CNTNAP2: variants seen among roughly 807,000 people sequenced by gnomAD.
CNTNAP2 encodes contactin associated protein 2.
Under a neutral mutation model 155.2 loss-of-function variants are expected in CNTNAP2, and 98 were observed. That is an observed-to-expected ratio of 0.63 (90% CI 0.54 to 0.75). The LOEUF (loss-of-function observed/expected upper bound fraction) is 0.75, where lower values mean the gene tolerates loss of function less well. Ranked by LOEUF, CNTNAP2 falls within the 30% of genes least tolerant of loss-of-function variation. The pLI is 0.00. For synonymous variants in CNTNAP2, 651 were observed against 631.2 expected, an observed-to-expected ratio of 1.03 and a Z score of -0.47; for missense variants, 1,727 against 1,688.1, an observed-to-expected ratio of 1.02 and a Z score of -0.40.
chr7:147,490,315 T>C (rs1798584014), intron 11 of CNTNAP2, among the ~76,000 whole-genome samples: 1 of 152,196 alleles, frequency 6.6e-6, no homozygotes, highest in South Asian at 2.1e-4. Context: ...AGTAAAATTT[T>C]TTCTAGCCAA....
intron 15 of CNTNAP2, among the ~76,000 whole-genome samples, chr7:148,114,582 G>A (rs941196649): frequency 2.6e-5 from 4 of 152,070 alleles, no homozygotes; most frequent in Non-Finnish European, 4.4e-5. Context: ...GAAAAGGCAC[G>A]CATATAATCT....
chr7:146,715,698 G>T (rs1801174996), intron 1 of CNTNAP2, among the ~76,000 whole-genome samples: 1 of 152,082 alleles, frequency 6.6e-6, no homozygotes, highest in South Asian at 2.1e-4. Context: ...CTACAGTTTT[G>T]TCAAAAAGAG....
chr7:147,780,542 G>C (rs1198583016), intron 13 of CNTNAP2, among the ~76,000 whole-genome samples: 1 of 152,088 alleles, frequency 6.6e-6, no homozygotes, highest in Non-Finnish European at 1.5e-5. Context: ...GTCCTTAAGA[G>C]TAATTGCTGG....
chr7:147,783,356 A>T (rs1330076615), intron 13 of CNTNAP2, among the ~76,000 whole-genome samples: 3 of 152,112 alleles, frequency 2.0e-5, no homozygotes, highest in Admixed American at 6.5e-5. Flanking sequence ...TAAGTTTTCC[A>T]TTTAAGAATA....
chr7:147,556,115 C>T (rs1799946973), intron 11 of CNTNAP2, among the ~76,000 whole-genome samples: 1 of 152,134 alleles, frequency 6.6e-6, no homozygotes. Context: ...TCGTATTCTA[C>T]TGGTAGACAT....
chr7:147,699,304 C>T (rs1796203935), intron 13 of CNTNAP2, among the ~76,000 whole-genome samples: 1 of 150,694 alleles, frequency 6.6e-6, no homozygotes, highest in Admixed American at 6.6e-5. Flanking sequence ...TTTGCAGGGA[C>T]ATGGATGAAG....
chr7:146,787,761 G>A (rs890666090), intron 2 of CNTNAP2, among the ~76,000 whole-genome samples: 7 of 152,142 alleles, frequency 4.6e-5, no homozygotes, highest in African/African-American at 1.2e-4. Flanking sequence ...ACAGAGAGCC[G>A]ATTGGTCCGT....
intron 3 of CNTNAP2, among the ~76,000 whole-genome samples, chr7:146,868,059 A>G (rs528735714): frequency 1.1e-4 from 17 of 152,044 alleles, no homozygotes; most frequent in Middle Eastern, 3.4e-3. Context: ...CTTTTCTTGC[A>G]ATTGCTTTTA....
rs543206400 is a variant in CNTNAP2, at chr7:146,369,576, G to A, written c.97+252603G>A. 5.3e-5 allele frequency among the ~76,000 whole-genome samples: 8 copies of A among 152,126 alleles called. No individual in the cohort carries two copies. In the East Asian group the frequency reaches 1.5e-3, roughly 29 times the overall value. ...GTTATATAAAATGTATAACAGAAAG[G>A]ACTTTTGATTTCTATCCATCTGAAT... On this transcript the variant is annotated intron_variant, in intron 1 of 23. Transcript: ENST00000361727.
intron 9 of CNTNAP2, among the ~76,000 whole-genome samples, chr7:147,362,041 G>C (rs887760424): frequency 2.0e-5 from 3 of 152,142 alleles, no homozygotes; most frequent in Admixed American, 2.0e-4. Context: ...CCTCACCTGT[G>C]GCCCTTCCAA....
At chr7:147,624,594 A>G (rs1389038209) in intron 12 of CNTNAP2, among the ~76,000 whole-genome samples, 2 of 152,210 alleles carry the variant, frequency 1.3e-5, no homozygotes, top group Non-Finnish European at 1.5e-5. Context: ...CTTATATCCA[A>G]AAGACAGGCA....
intron 13 of CNTNAP2, among the ~76,000 whole-genome samples, chr7:147,789,155 C>T (rs1357349117): frequency 6.6e-6 from 1 of 152,040 alleles, no homozygotes; most frequent in Admixed American, 6.5e-5. Context: ...GATCTGCCCG[C>T]CTCGGCCTCC....
chr7:148,177,423 A>G (rs949724807), intron 18 of CNTNAP2, among the ~76,000 whole-genome samples: 1 of 152,204 alleles, frequency 6.6e-6, no homozygotes, highest in Admixed American at 6.5e-5. Context: ...AGAAGAGTGA[A>G]GGAAAGATTC....
intron 2 of CNTNAP2, among the ~76,000 whole-genome samples, chr7:146,788,300 T>G (rs953274496): frequency 2.6e-5 from 4 of 151,970 alleles, no homozygotes; most frequent in Admixed American, 6.6e-5. Context: ...GCGGCCAGAG[T>G]GGACGCCGAG....
At chr7:147,376,836 A>G (rs966163558) in intron 9 of CNTNAP2, among the ~76,000 whole-genome samples, 2 of 151,978 alleles carry the variant, frequency 1.3e-5, no homozygotes, top group African/African-American at 4.8e-5. Flanking sequence ...ACACAGTAAC[A>G]CTACTGTATA....
chr7:147,057,221 C>T (rs185368507), intron 4 of CNTNAP2, among the ~76,000 whole-genome samples: 5 of 152,216 alleles, frequency 3.3e-5, no homozygotes, highest in Admixed American at 2.0e-4. Flanking sequence ...AATGTGTTTC[C>T]TCCTTTGTCA....
intron 18 of CNTNAP2, among the ~76,000 whole-genome samples, chr7:148,174,655 G>A (rs755283123): frequency 1.1e-3 from 170 of 152,164 alleles, no homozygotes; most frequent in Non-Finnish European, 1.8e-3. Context: ...ATGCATACAC[G>A]CAGAGATGAG....
chr7:146,829,163 A>G (rs1296025208), intron 2 of CNTNAP2, among the ~76,000 whole-genome samples: 1 of 151,994 alleles, frequency 6.6e-6, no homozygotes, highest in Non-Finnish European at 1.5e-5. Flanking sequence ...TAAATACATG[A>G]AACTAAATGA....
intron 8 of CNTNAP2, among the ~76,000 whole-genome samples, chr7:147,263,716 G>A (rs1804545020): frequency 6.6e-6 from 1 of 152,114 alleles, no homozygotes; most frequent in African/African-American, 2.4e-5. Flanking sequence ...GGGTCACGTG[G>A]TCCTATAGTA....
Sources: gnomAD v4.1 joint callset for allele counts (sites outside exome capture counted in the v4.1 genomes callset) on GRCh38, gnomAD v4.1.1 for gene constraint, MANE v1.5 for transcripts, NCBI Gene and HGNC (gene_info 2026-07-23, HGNC 2026-07-21) for gene names.